CAPN14: variants seen among roughly 807,000 people sequenced by gnomAD.
CAPN14 encodes the protein calpain 14.
Under a neutral mutation model 101.3 loss-of-function variants are expected in CAPN14, and 94 were observed. That is an observed-to-expected ratio of 0.93 (90% CI 0.79 to 1.10). The LOEUF is 1.10. Among genes scored for constraint, CAPN14 ranks in the 50% least tolerant of loss-of-function variants. The pLI is 0.00. For missense variants in CAPN14, 837 were observed against 828.4 expected, an observed-to-expected ratio of 1.01 and a Z score of -0.13; for synonymous variants, 338 against 317.9, an observed-to-expected ratio of 1.06 and a Z score of -0.67.
At position 31,191,945 on chromosome 2, in the gene CAPN14, T is replaced by C; in HGVS notation, c.1268A>G (p.Tyr423Cys). The change falls in exon 11 of 22, where the codon TAC becomes TGC. Residue 423 changes from tyrosine to cysteine, a missense_variant. Tyr to Cys is a radical substitution (Grantham distance 194). Coordinates refer to ENST00000403897, the MANE Select transcript of CAPN14 (RefSeq NM_001145122.2). ...CAGAGGTCCACCTACCCTATACAGG[T>C]AGAAGCCAATGGCGAGGAGAGGCTT... is the stretch of plus-strand genomic sequence containing the variant. The part of the protein sequence containing the change: ...KRKPLLAIGF[Y>C]LYRMNKYHDD... The C allele has an allele frequency of 6.4e-7, 1 of 1,550,520 alleles. No homozygotes were observed. The highest frequency in any genetic ancestry group is 1.2e-5 in the South Asian group (1 of 83,876).
At chr2:31,232,010 G>A (rs1403535096) in intron 1 of CAPN14, among the ~76,000 whole-genome samples, 2 of 152,180 alleles carry the variant, frequency 1.3e-5, no homozygotes, top group East Asian at 3.8e-4. Flanking sequence ...CAGTTTTGGG[G>A]TTCAAGGAGG....
upstream of CAPN14, among the ~76,000 whole-genome samples, chr2:31,218,919 A>G (rs1012426724): frequency 3.3e-5 from 5 of 152,118 alleles, no homozygotes; most frequent in African/African-American, 9.7e-5. Context: ...ATGGGTCTGA[A>G]GGTGTTATGA....
rs1013510233 is a variant in CAPN14, at chr2:31,173,465, T to C, written c.*1216A>G. 1 of 152,186 alleles carries C rather than the reference T, an allele frequency of 6.6e-6. No homozygotes were observed. Among genetic ancestry groups the C allele is most frequent in the South Asian group, 2.1e-4 (1 of 4,832 alleles). 9.4% of individuals were successfully genotyped at this position (152,186 alleles called of 1,614,324 possible). On this transcript the variant is annotated 3_prime_UTR_variant, in exon 22 of 22. Transcript: ENST00000403897. ...CAAACAGCCATGTTTGTTAGAATTGTTTGTAAATTAAGATTAAATAGAATA... is the reference window on the plus strand; with the variant it reads ...CAAACAGCCATGTTTGTTAGAATTGCTTGTAAATTAAGATTAAATAGAATA...
intron 21 of CAPN14, among the ~76,000 whole-genome samples, chr2:31,175,103 C>T (rs1558607206): frequency 6.6e-6 from 1 of 152,134 alleles, no homozygotes; most frequent in African/African-American, 2.4e-5. Context: ...ATGAACAACC[C>T]CTCTAACTCA....
At position 31,173,109 on chromosome 2, in the gene CAPN14, T is replaced by G. The variant is rs1469146061; in HGVS notation, c.*1572A>C. 1 of 152,236 alleles carries G rather than the reference T, an allele frequency of 6.6e-6. No individual in the cohort carries two copies. Among genetic ancestry groups the G allele is most frequent in the Non-Finnish European group, 1.5e-5 (1 of 68,038 alleles). 9.4% of individuals were successfully genotyped at this position (152,236 alleles called of 1,614,324 possible). ...TAAAACAGCTATTTGCAATGGCAGATTTTAAAGACAAAGACACAAATAAGT... is the reference window on the plus strand; with the variant it reads ...TAAAACAGCTATTTGCAATGGCAGAGTTTAAAGACAAAGACACAAATAAGT... On this transcript the variant is annotated 3_prime_UTR_variant, in exon 22 of 22. Transcript: ENST00000403897.
At chr2:31,225,860 C>T (rs13423140) in intron 2 of CAPN14, among the ~76,000 whole-genome samples, 20,296 of 151,252 alleles carry the variant, frequency 0.13, 1,650 homozygotes, top group African/African-American at 0.22. Flanking sequence ...TACTTTTCAA[C>T]TGGAAAAAAT....
intron 17 of CAPN14, among the ~76,000 whole-genome samples, chr2:31,179,160 T>G (rs1033599040): frequency 2.0e-5 from 3 of 150,478 alleles, no homozygotes; most frequent in Admixed American, 1.3e-4. Context: ...CCATGTTGGT[T>G]TGCTGCACCC....
chr2:31,174,949 T>A lies in CAPN14; in HGVS notation c.2029-242A>T, dbSNP rs561261757. Among the ~76,000 whole-genome samples, 203 of 152,292 alleles carry A rather than the reference T, an allele frequency of 1.3e-3. 6 individuals carry two copies. The South Asian group carries it at 0.04, about 30-fold the overall frequency. On this transcript the variant is annotated intron_variant, in intron 21 of 21. Transcript: ENST00000403897. ...GATTCTGTATTCAGTTCTCAATGAA[T>A]TTTTTTCCCATGAATTCAATTTGGC...
At chr2:31,212,245 G>A (rs544960634) in intron 1 of CAPN14, among the ~76,000 whole-genome samples, 41 of 151,320 alleles carry the variant, frequency 2.7e-4, no homozygotes, top group African/African-American at 8.3e-4. Context: ...GGGAGGTGGA[G>A]GTTGCAGTGA....
intron 1 of CAPN14, among the ~76,000 whole-genome samples, chr2:31,214,003 T>C (rs1682524229): frequency 6.6e-6 from 1 of 152,230 alleles, no homozygotes; most frequent in African/African-American, 2.4e-5. Flanking sequence ...CAAGCATGAT[T>C]CTTCATTTAT....
rs1395078221 is a variant in CAPN14, at chr2:31,180,968, C to T, written c.1678G>A (p.Glu560Lys). Residue 560 changes from glutamate to lysine, a missense_variant, in exon 17 of 22, where the codon GAA becomes AAA. Physicochemically the swap from Glu to Lys is moderately conservative, Grantham distance 56 (BLOSUM62 1). Transcript: ENST00000403897. ...LGSRQPFFSL[E>K]ACQGILALLD... ...AAGGCCAGGATCCCCTGGCAGGCTT[C>T]CAGGCTAAAGAAGGGCTGTCTGCTC... 4.5e-6 allele frequency: 7 copies of T among 1,551,856 alleles called. No individual in the cohort carries two copies. The South Asian group carries it at 8.3e-5, about 18-fold the overall frequency.
At chr2:31,227,205 G>T (rs1683048964) in intron 1 of CAPN14, among the ~76,000 whole-genome samples, 1 of 152,170 alleles carries the variant, frequency 6.6e-6, no homozygotes, top group African/African-American at 2.4e-5. Flanking sequence ...CGTGGTGTGG[G>T]CTTTCCTCCG....
upstream of CAPN14, among the ~76,000 whole-genome samples, chr2:31,220,936 A>G (rs1330878939): frequency 6.6e-6 from 1 of 152,248 alleles, no homozygotes; most frequent in Non-Finnish European, 1.5e-5. Flanking sequence ...CAAGTTCAGA[A>G]GAATGAAAGG....
intron 1 of CAPN14, among the ~76,000 whole-genome samples, chr2:31,211,938 T>C (rs1195512048): frequency 6.6e-6 from 1 of 152,118 alleles, no homozygotes; most frequent in Non-Finnish European, 1.5e-5. Context: ...AAAATAACTT[T>C]TGGGGTAATG....
At chr2:31,189,995 C>T (rs1390344362) in intron 12 of CAPN14, among the ~76,000 whole-genome samples, 1 of 152,230 alleles carries the variant, frequency 6.6e-6, no homozygotes, top group Non-Finnish European at 1.5e-5. Context: ...CACACAGCTA[C>T]ACACAGATAA....
chr2:31,176,556 A>G, intron 21 of CAPN14, 31 bp downstream of exon 21: 1 of 1,540,136 alleles, frequency 6.5e-7, no homozygotes, highest in Non-Finnish European at 8.8e-7. Flanking sequence ...ACGTAAGATG[A>G]CATGAGCCAC....
rs1348326045 is a variant in CAPN14 at position 31,187,818 on chromosome 2, T to C, written c.1531-4A>G. The C allele has an allele frequency of 1.9e-6, 3 of 1,549,072 alleles. No individual in the cohort carries two copies. The highest frequency in any genetic ancestry group is 2.6e-6 in the Non-Finnish European group (3 of 1,144,514). ...TTTCATTTTGGTCTTCTATCTCCTA[T>C]AGGAAGAGACACACAGAAAGACACA... On this transcript the variant is annotated splice_region_variant and splice_polypyrimidine_tract_variant and intron_variant, in intron 14 of 21. Coordinates refer to ENST00000403897, the MANE Select transcript of CAPN14 (RefSeq NM_001145122.2).
chr2:31,201,081 A>G (rs1222901678), intron 5 of CAPN14, among the ~76,000 whole-genome samples: 1 of 151,510 alleles, frequency 6.6e-6, no homozygotes, highest in African/African-American at 2.4e-5. Context: ...TGACCTCCAC[A>G]TGCATGTGTG....
intron 16 of CAPN14, among the ~76,000 whole-genome samples, chr2:31,181,271 G>A (rs1680582135): frequency 6.6e-6 from 1 of 151,996 alleles, no homozygotes; most frequent in African/African-American, 2.4e-5. Context: ...TACCTAGGGA[G>A]GGCCAGGATC....
Sources: gnomAD v4.1 joint callset for allele counts (sites outside exome capture counted in the v4.1 genomes callset) on GRCh38, gnomAD v4.1.1 for gene constraint, MANE v1.5 for transcripts, NCBI Gene and HGNC (gene_info 2026-07-23, HGNC 2026-07-21) for gene names.